Variants in ZSWIM5 observed in about 807,000 individuals in gnomAD.
ZSWIM5 encodes zinc finger SWIM-type containing 5.
In ZSWIM5, 55 loss-of-function variants were observed where a neutral mutation model predicts 119.6. That is an observed-to-expected ratio of 0.46 (90% CI 0.37 to 0.58). The LOEUF (loss-of-function observed/expected upper bound fraction) is 0.58. ZSWIM5 is among the 20% of genes least tolerant of loss of function. The pLI, the probability that ZSWIM5 is intolerant of heterozygous loss-of-function variation, is 0.00. For missense variants in ZSWIM5, 1,193 were observed against 1,512.8 expected, an observed-to-expected ratio of 0.79 and a Z score of 3.51; for synonymous variants, 537 against 606.9, an observed-to-expected ratio of 0.88 and a Z score of 1.69.
chr1:45,020,042 G>C (rs756473276), intron 13 of ZSWIM5, 24 bp downstream of exon 13: 9 of 1,607,350 alleles, frequency 5.6e-6, no homozygotes, highest in African/African-American at 1.3e-5. Flanking sequence ...TTCCCCTGGG[G>C]GTAGAGGGAG....
rs972346678 is a variant in ZSWIM5, at chr1:45,019,632, G to A, written c.2696-316C>T. Among the ~76,000 whole-genome samples, 8 of 152,194 alleles carry A rather than the reference G, an allele frequency of 5.3e-5. No individual in the cohort carries two copies. Among genetic ancestry groups the A allele is most frequent in the African/African-American group, 1.4e-4 (6 of 41,432 alleles). ...GGCATGGGTTACAGATCTGCCAGGG[G>A]TTCTAGCTGAAGTGGGGCCTCTCAG... On this transcript the variant is annotated intron_variant, in intron 13 of 13. Transcript: ENST00000359600. The surrounding 1 kb of genome is among the most constrained non-coding windows in gnomAD (Gnocchi z 5.0).
chr1:45,130,510 G>A (rs1645649754), intron 1 of ZSWIM5, among the ~76,000 whole-genome samples: 1 of 151,974 alleles, frequency 6.6e-6, no homozygotes, highest in African/African-American at 2.4e-5. Context: ...CAGGCCACTA[G>A]GGAAAAACAA....
intron 5 of ZSWIM5, among the ~76,000 whole-genome samples, chr1:45,046,410 A>C (rs868409434): frequency 1.3e-5 from 2 of 152,196 alleles, no homozygotes; most frequent in Non-Finnish European, 1.5e-5. Context: ...GGATTTGCTC[A>C]TGGATTACAG....
intron 1 of ZSWIM5, among the ~76,000 whole-genome samples, chr1:45,126,863 G>T (rs1344843589): frequency 6.6e-6 from 1 of 152,120 alleles, no homozygotes; most frequent in Non-Finnish European, 1.5e-5. Flanking sequence ...TTAAGAGATG[G>T]GGTCTCACTC....
chr1:45,167,674 T>G lies in ZSWIM5; in HGVS notation c.595+38082A>C, dbSNP rs552107303. Among the ~76,000 whole-genome samples the G allele has an allele frequency of 1.2e-4, 19 of 152,078 alleles. No homozygotes were observed. In the East Asian group the frequency reaches 3.3e-3, roughly 26 times the overall value. On this transcript the variant is annotated intron_variant, in intron 1 of 13. Coordinates refer to ENST00000359600, the MANE Select transcript of ZSWIM5 (RefSeq NM_020883.2). ...CAAAAAGTGGGCGAAGGATATGAAC[T>G]GACACTTCTCAAAAGAAGACATTTA...
intron 1 of ZSWIM5, among the ~76,000 whole-genome samples, chr1:45,147,746 AAC>A (rs921480508): frequency 6.6e-6 from 1 of 152,040 alleles, no homozygotes; most frequent in African/African-American, 2.4e-5. Context: ...ACCCCCAAAA[AAC>A]ACAAGATCCA....
chr1:45,109,744 G>GAAA (rs11441316), intron 1 of ZSWIM5, among the ~76,000 whole-genome samples: 1 of 146,490 alleles, frequency 6.8e-6, no homozygotes. Context: ...GACTTCGTAT[G>GAAA]AAAAAAAAAA....
rs576558023 is a variant in ZSWIM5, at chr1:45,113,145, T to C, written c.596-24908A>G. ...GTAATGACGGGCACAATTCTAACAC[T>C]TGTTGAAAAAATATTGCTATGATTA... On this transcript the variant is annotated intron_variant, in intron 1 of 13. Transcript: ENST00000359600. Among the ~76,000 whole-genome samples the C allele has an allele frequency of 9.8e-5, 15 of 152,336 alleles. No homozygotes were observed. The South Asian group carries it at 3.1e-3, about 32-fold the overall frequency.
At chr1:45,160,844 C>T (rs547095877) in intron 1 of ZSWIM5, among the ~76,000 whole-genome samples, 178 of 132,452 alleles carry the variant, frequency 1.3e-3, no homozygotes, top group African/African-American at 4.5e-3. Flanking sequence ...TTTTTTTAGA[C>T]GGAGTCTCTC....
At chr1:45,031,582 G>C (rs1167612052) in intron 11 of ZSWIM5, among the ~76,000 whole-genome samples, 1 of 151,980 alleles carries the variant, frequency 6.6e-6, no homozygotes, top group Non-Finnish European at 1.5e-5. Context: ...GCTAACGCCT[G>C]TAATCCCAGC....
rs1553191166 is a variant in ZSWIM5 at position 45,067,451 on chromosome 1, A to AAAAAAG, written c.953-7205_953-7204insCTTTTT. On this transcript the variant is annotated intron_variant, in intron 2 of 13. Coordinates refer to ENST00000359600, the MANE Select transcript of ZSWIM5 (RefSeq NM_020883.2). ...TAAGACCCTGCCTCAAAAAAAAAAA[A>AAAAAAG]AAAGAAAGAAAGAAAGAAAGAAATA... 4.0e-3 allele frequency among the ~76,000 whole-genome samples: 546 copies of AAAAAAG among 136,706 alleles called. 6 individuals carry two copies. Among genetic ancestry groups the AAAAAAG allele is most frequent in the African/African-American group, 0.015 (534 of 36,232 alleles). 89.7% of individuals were successfully genotyped at this position (136,706 alleles called of 152,430 possible).
At chr1:45,067,971 T>C (rs1645195216) in intron 2 of ZSWIM5, among the ~76,000 whole-genome samples, 2 of 152,308 alleles carry the variant, frequency 1.3e-5, no homozygotes, top group South Asian at 4.1e-4. Flanking sequence ...ATAGAAAGGA[T>C]GTCTTTTATA....
chr1:45,034,115 G>C (rs1644968571), intron 11 of ZSWIM5, among the ~76,000 whole-genome samples, 197 bp downstream of exon 11: 1 of 152,198 alleles, frequency 6.6e-6, no homozygotes, highest in Admixed American at 6.5e-5. Context: ...GCCTCCCAAA[G>C]TGCTGGGATT....
intron 1 of ZSWIM5, among the ~76,000 whole-genome samples, chr1:45,106,629 G>A (rs969650799): frequency 2.9e-4 from 44 of 151,750 alleles, no homozygotes; most frequent in South Asian, 6.2e-4. Flanking sequence ...GAAGTGAGGC[G>A]CGCCTCTGCC....
chr1:45,193,912 G>A (rs542621770), intron 1 of ZSWIM5, among the ~76,000 whole-genome samples: 3 of 150,658 alleles, frequency 2.0e-5, no homozygotes, highest in South Asian at 2.1e-4. Flanking sequence ...GTGATAGTAC[G>A]TATGTGTACA....
chr1:45,133,126 C>A (rs1400930505), intron 1 of ZSWIM5, among the ~76,000 whole-genome samples: 3 of 152,046 alleles, frequency 2.0e-5, no homozygotes, highest in Non-Finnish European at 4.4e-5. Flanking sequence ...TGGGTATATA[C>A]CCAGTAATAG....
chr1:45,203,700 G>A (rs1199538104), intron 1 of ZSWIM5, among the ~76,000 whole-genome samples: 1 of 152,060 alleles, frequency 6.6e-6, no homozygotes, highest in African/African-American at 2.4e-5. Flanking sequence ...AAGTTTAGGA[G>A]ATGGGGGATG....
chr1:45,067,533 G>T (rs1645191403), intron 2 of ZSWIM5, among the ~76,000 whole-genome samples: 1 of 152,076 alleles, frequency 6.6e-6, no homozygotes, highest in Non-Finnish European at 1.5e-5. Flanking sequence ...AACTGAGATT[G>T]CCTACAGAGA....
In ZSWIM5 at chr1:45,096,535, A is replaced by AACACAC. The variant is rs370564289; in HGVS notation, c.596-8304_596-8299dup. Among the ~76,000 whole-genome samples, 622 of 140,474 alleles carry AACACAC rather than the reference A, an allele frequency of 4.4e-3. 9 individuals are homozygous for AACACAC. The highest frequency in any genetic ancestry group is 0.014 in the African/African-American group (534 of 37,014). The allele number at this position is 140,474 out of a possible 152,430, so 92.2% of individuals were successfully genotyped here. A position where few individuals can be genotyped will look rare whatever the true frequency, so the allele number is the denominator to read the frequency against. ...CAGCTGCTTGCCTTGTGGCCCTATC[A>AACACAC]ACACACACACACACACACGCACACA... On this transcript the variant is annotated intron_variant, in intron 1 of 13. Coordinates refer to ENST00000359600, the MANE Select transcript of ZSWIM5 (RefSeq NM_020883.2).
Sources: allele counts gnomAD v4.1 joint callset (sites outside exome capture counted in the v4.1 genomes callset), GRCh38; gene constraint gnomAD v4.1.1; non-coding constraint Gnocchi (gnomAD v3.1); transcripts MANE v1.5; gene names NCBI Gene and HGNC (gene_info 2026-07-23, HGNC 2026-07-21).